Variants in ARMH3 observed in about 807,000 individuals in gnomAD.
The protein encoded by ARMH3 is armadillo like helical domain containing 3.
A neutral mutation model predicts 99.1 loss-of-function variants in ARMH3; 60 were observed. The ratio of observed to expected loss-of-function variants is 0.61; its 90% CI spans 0.49 to 0.75. ARMH3 has a LOEUF of 0.75. Among genes scored for constraint, ARMH3 ranks in the 30% least tolerant of loss-of-function variants. The pLI, the probability that ARMH3 is intolerant of heterozygous loss-of-function variation, is 0.00. For synonymous variants in ARMH3, 285 were observed against 292.8 expected, an observed-to-expected ratio of 0.97 and a Z score of 0.27; for missense variants, 679 against 843.1, an observed-to-expected ratio of 0.81 and a Z score of 2.41.
At chr10:101,852,869 C>A (rs750873603) in intron 24 of ARMH3, among the ~76,000 whole-genome samples, 1 of 151,790 alleles carries the variant, frequency 6.6e-6, no homozygotes, top group Non-Finnish European at 1.5e-5. Context: ...CCACCTCCCC[C>A]TTCCGTGGCC....
intron 23 of ARMH3, among the ~76,000 whole-genome samples, chr10:101,908,818 G>A (rs1009460372): frequency 6.6e-5 from 10 of 151,426 alleles, no homozygotes; most frequent in Non-Finnish European, 1.3e-4. Context: ...CATGCACCAC[G>A]TCACCCGGCT....
At chr10:101,972,046 T>C (rs995688018) in intron 20 of ARMH3, among the ~76,000 whole-genome samples, 10 of 152,194 alleles carry the variant, frequency 6.6e-5, no homozygotes, top group Non-Finnish European at 1.0e-4. Flanking sequence ...CATGGTGACA[T>C]GCATCATAGA....
chr10:102,041,647 T>C (rs2067428722), intron 1 of ARMH3, among the ~76,000 whole-genome samples: 1 of 152,000 alleles, frequency 6.6e-6, no homozygotes, highest in Admixed American at 6.6e-5. Context: ...TTTTATTTTA[T>C]TTTTAGACTT....
intron 23 of ARMH3, among the ~76,000 whole-genome samples, chr10:101,920,912 T>C (rs898385446): frequency 1.3e-5 from 2 of 152,146 alleles, no homozygotes; most frequent in African/African-American, 4.8e-5. Flanking sequence ...AAATACACTA[T>C]GATTCCACTA....
rs1188682695 is a variant in ARMH3 at position 102,013,992 on chromosome 10, G to A, written c.702C>T (p.Ile234=). 12 of 1,611,478 alleles carry A rather than the reference G, an allele frequency of 7.4e-6. No individual in the cohort carries two copies. Among genetic ancestry groups the A allele is most frequent in the South Asian group, 2.2e-5 (2 of 90,690 alleles). ...CATTGAGTGTGGCCTCATCATCCAC[G>A]ATAGACAGCTTCACAATATAAGGAT... ...SVNPYIVKLS[I]VDDEATLNGM... Residue 234 remains isoleucine (I), a synonymous_variant, in exon 9 of 26, where the codon ATC becomes ATT. Transcript: ENST00000370033.
At chr10:101,899,857 C>A (rs980999219) in intron 23 of ARMH3, among the ~76,000 whole-genome samples, 2 of 152,026 alleles carry the variant, frequency 1.3e-5, no homozygotes, top group African/African-American at 2.4e-5. Flanking sequence ...AAAAATGGAA[C>A]CTTAGTTAGT....
At chr10:101,890,725 C>T (rs2067668712) in intron 23 of ARMH3, among the ~76,000 whole-genome samples, 1 of 152,148 alleles carries the variant, frequency 6.6e-6, no homozygotes, top group Non-Finnish European at 1.5e-5. Context: ...ACTACCTTAA[C>T]CAAATGATGA....
chr10:101,997,769 T>C (rs563801903), intron 15 of ARMH3, among the ~76,000 whole-genome samples: 19 of 152,102 alleles, frequency 1.2e-4, no homozygotes, highest in Non-Finnish European at 2.5e-4. Flanking sequence ...ATAAACTTTA[T>C]ACCTTATTAT....
intron 19 of ARMH3, among the ~76,000 whole-genome samples, chr10:101,985,074 T>TAC (rs766381815): frequency 0.024 from 1,586 of 65,834 alleles, 16 homozygotes; most frequent in African/African-American, 0.061. Flanking sequence ...TCTAAAAATA[T>TAC]ATATACACAC....
intron 19 of ARMH3, among the ~76,000 whole-genome samples, chr10:101,987,560 T>C (rs1490565333): frequency 6.6e-6 from 1 of 152,230 alleles, no homozygotes; most frequent in African/African-American, 2.4e-5. Context: ...CCCAATCTGG[T>C]ATTCACACAC....
intron 23 of ARMH3, among the ~76,000 whole-genome samples, chr10:101,927,766 C>T (rs1590036412): frequency 6.6e-6 from 1 of 152,070 alleles, no homozygotes; most frequent in East Asian, 1.9e-4. Context: ...GATCCTGTCA[C>T]TACAAAAAGA....
chr10:101,879,975 G>A (rs955427975), intron 24 of ARMH3, among the ~76,000 whole-genome samples: 20 of 152,152 alleles, frequency 1.3e-4, no homozygotes, highest in African/African-American at 3.4e-4. Flanking sequence ...TAGTGAATCC[G>A]GTGAACAACT....
intron 19 of ARMH3, among the ~76,000 whole-genome samples, chr10:101,986,951 A>G (rs1008288007): frequency 2.0e-5 from 3 of 152,056 alleles, no homozygotes; most frequent in African/African-American, 7.2e-5. Context: ...CAGGTGGAAA[A>G]AGCGCCTAAG....
intron 8 of ARMH3, among the ~76,000 whole-genome samples, chr10:102,021,679 C>A (rs1201452078): frequency 6.6e-6 from 1 of 151,958 alleles, no homozygotes; most frequent in Non-Finnish European, 1.5e-5. Context: ...TCCCGAGTAG[C>A]TGGGACTACA....
At chr10:101,962,970 C>CTTTTTTTT (rs11358645) in intron 20 of ARMH3, among the ~76,000 whole-genome samples, 1 of 131,764 alleles carries the variant, frequency 7.6e-6, no homozygotes. Flanking sequence ...GTCTTTTTTT[C>CTTTTTTTT]TTTTTTTTTT....
rs562701185 is a variant in ARMH3 at position 101,986,077 on chromosome 10, T to C, written c.1406+4474A>G. Among the ~76,000 whole-genome samples, 31 of 152,016 alleles carry C rather than the reference T, an allele frequency of 2.0e-4. No homozygotes were observed. In the South Asian group the frequency reaches 6.4e-3, roughly 32 times the overall value. On this transcript the variant is annotated intron_variant, in intron 19 of 25. Transcript: ENST00000370033. ...ACACACACAAACACACACACACATA[T>C]GTATGTACTGGCAGAATGACTCTAA...
chr10:101,945,847 C>A (rs1385942389), intron 22 of ARMH3, among the ~76,000 whole-genome samples: 2 of 151,386 alleles, frequency 1.3e-5, no homozygotes, highest in Non-Finnish European at 2.9e-5. Flanking sequence ...TTTTGAGAGG[C>A]CAAGGTGGGC....
intron 19 of ARMH3, among the ~76,000 whole-genome samples, chr10:101,980,686 T>C (rs1846190218): frequency 1.3e-5 from 2 of 151,908 alleles, no homozygotes; most frequent in Admixed American, 6.6e-5. Context: ...CATTAATCTG[T>C]GGGGTATCAA....
chr10:102,028,171 T>C (rs909406959), intron 5 of ARMH3, among the ~76,000 whole-genome samples: 1 of 152,120 alleles, frequency 6.6e-6, no homozygotes, highest in Non-Finnish European at 1.5e-5. Context: ...GGAAAAATGG[T>C]TTGGTAGTTC....
Sources: allele counts gnomAD v4.1 joint callset (sites outside exome capture counted in the v4.1 genomes callset), GRCh38; gene constraint gnomAD v4.1.1; transcripts MANE v1.5; gene names NCBI Gene and HGNC (gene_info 2026-07-23, HGNC 2026-07-21).